Variants in ZNF678 observed in about 807,000 individuals in gnomAD.
The protein encoded by ZNF678 is hypothetical protein MGC42493.
ZNF678 carries 5 observed loss-of-function variants against 3.0 expected under a neutral mutation model. The ratio of observed to expected loss-of-function variants is 1.69; its 90% CI spans 0.88 to 3.56. The LOEUF (loss-of-function observed/expected upper bound fraction) is 3.56, where lower values mean the gene tolerates loss of function less well. Ranked by LOEUF, ZNF678 falls within the 30% of genes most tolerant of loss-of-function variation. The pLI is 0.00. For missense variants in ZNF678, 593 were observed against 605.0 expected (o/e 0.98, Z 0.21); for synonymous variants, 218 against 199.6 (o/e 1.09, Z -0.78).
rs1391791979 is a variant in ZNF678 at position 227,628,583 on chromosome 1, C to T, written c.-163-17961C>T. ...AAGCCAGTATAGGCTGGATACGTTC[C>T]TCACTGAGGGCCCTGGTGCCTTTGG... On this transcript the variant is annotated intron_variant, in intron 1 of 3. Transcript: ENST00000343776. Among the ~76,000 whole-genome samples, 3 of 152,358 alleles carry T rather than the reference C, an allele frequency of 2.0e-5. No homozygotes were observed. In the East Asian group the frequency reaches 5.8e-4, roughly 29 times the overall value.
intron 1 of ZNF678, among the ~76,000 whole-genome samples, chr1:227,606,886 G>C (rs941389162): frequency 2.6e-5 from 4 of 152,160 alleles, no homozygotes; most frequent in Non-Finnish European, 5.9e-5. Context: ...CTGTGAGCAC[G>C]GGGTTGGGGC....
intron 1 of ZNF678, among the ~76,000 whole-genome samples, chr1:227,570,608 A>G (rs984260283): frequency 6.6e-6 from 1 of 151,520 alleles, no homozygotes; most frequent in Non-Finnish European, 1.5e-5. Context: ...GGAGGGGATT[A>G]CTGTCATGAG....
intron 1 of ZNF678, among the ~76,000 whole-genome samples, chr1:227,631,111 G>A (rs1340427553): frequency 1.3e-5 from 2 of 152,084 alleles, no homozygotes; most frequent in African/African-American, 4.8e-5. Flanking sequence ...TACATCTTAG[G>A]GGCGTTTTTG....
intron 1 of ZNF678, among the ~76,000 whole-genome samples, chr1:227,643,201 GGTA>G (rs1325950995): frequency 7.9e-5 from 12 of 152,134 alleles, no homozygotes; most frequent in Admixed American, 2.6e-4. Context: ...TAGTAGTAGT[GGTA>G]GTAGTACAGC....
At chr1:227,619,455 T>G (rs1395926615) in intron 1 of ZNF678, among the ~76,000 whole-genome samples, 4 of 152,116 alleles carry the variant, frequency 2.6e-5, no homozygotes, top group Non-Finnish European at 1.5e-5. Flanking sequence ...CTCGAACTTA[T>G]GGAGTCTGTG....
intron 1 of ZNF678, among the ~76,000 whole-genome samples, chr1:227,615,532 C>T (rs1242225283): frequency 6.6e-6 from 1 of 152,164 alleles, no homozygotes; most frequent in East Asian, 1.9e-4. Context: ...GTCCTCCTGT[C>T]CCACTCCAGC....
intron 1 of ZNF678, among the ~76,000 whole-genome samples, chr1:227,579,767 AG>A (rs1657079439): frequency 6.6e-6 from 1 of 152,178 alleles, no homozygotes. Context: ...CAGCAGACCA[AG>A]GGATGCTCAG....
chr1:227,654,843 G>C lies in ZNF678; in HGVS notation c.593G>C (p.Ser198Thr). 2 of 1,609,268 alleles carry C rather than the reference G, an allele frequency of 1.2e-6. No individual in the cohort carries two copies. The highest frequency in any genetic ancestry group is 1.7e-6 in the Non-Finnish European group (2 of 1,178,912). ...KVFNWWSQLT[S>T]HKKIHSGEKP... is the part of the protein sequence containing the mutation. ...TTTAATTGGTGGTCACAACTAACTA[G>C]CCATAAGAAAATTCATAGTGGAGAG... is the stretch of plus-strand genomic sequence containing the variant. The change falls in exon 4 of 4, where the codon AGC becomes ACC. Residue 198 changes from serine to threonine, a missense_variant. Ser to Thr is a moderately conservative substitution (Grantham distance 58). Transcript: ENST00000343776.
In ZNF678 at chr1:227,657,463, A is replaced by G. The variant is rs1659279937; in HGVS notation, c.*1635A>G. On this transcript the variant is annotated 3_prime_UTR_variant, in exon 4 of 4. Transcript: ENST00000343776. ...ATTTTTATTTTTTTCTTTTGTAAATACTGGACAATGATACTCTTATATAAT... is the reference window on the plus strand; with the variant it reads ...ATTTTTATTTTTTTCTTTTGTAAATGCTGGACAATGATACTCTTATATAAT... 6.6e-6 allele frequency: 1 copy of G among 151,954 alleles called. No individual in the cohort carries two copies. The highest frequency in any genetic ancestry group is 2.1e-4 in the South Asian group (1 of 4,828). The allele number at this position is 151,954 out of a possible 1,614,324, so 9.4% of individuals were successfully genotyped here.
chr1:227,637,084 A>G (rs905405841), intron 1 of ZNF678, among the ~76,000 whole-genome samples: 8 of 152,276 alleles, frequency 5.3e-5, no homozygotes, highest in East Asian at 3.9e-4. Context: ...GCATTCCAGT[A>G]TCCTTGATGT....
intron 1 of ZNF678, among the ~76,000 whole-genome samples, chr1:227,643,578 G>A (rs566329769): frequency 1.7e-4 from 26 of 152,124 alleles, no homozygotes; most frequent in African/African-American, 6.0e-4. Flanking sequence ...CCCCAAAGCT[G>A]GTACCCACAA....
intron 1 of ZNF678, among the ~76,000 whole-genome samples, chr1:227,605,450 CA>C (rs1446401670): frequency 6.6e-6 from 1 of 152,108 alleles, no homozygotes; most frequent in East Asian, 1.9e-4. Context: ...ACTTTTAAAG[CA>C]AAATTTTCCA....
At chr1:227,642,481 G>A (rs1490768446) in intron 1 of ZNF678, among the ~76,000 whole-genome samples, 1 of 152,148 alleles carries the variant, frequency 6.6e-6, no homozygotes, top group Non-Finnish European at 1.5e-5. Context: ...CCTCACATGT[G>A]AACTCTTACT....
intron 1 of ZNF678, among the ~76,000 whole-genome samples, chr1:227,619,319 ATTATT>A (rs1571891044): frequency 6.6e-6 from 1 of 152,180 alleles, no homozygotes; most frequent in East Asian, 1.9e-4. Context: ...AGTTGTATCA[ATTATT>A]TTAAGCTTGT....
At chr1:227,665,107 C>G (rs1659480208), downstream of ZNF678, among the ~76,000 whole-genome samples, 1 of 152,166 alleles carries the variant, frequency 6.6e-6, no homozygotes. Flanking sequence ...TGAGACAAAA[C>G]TCATGGCATA....
At chr1:227,636,522 A>G (rs1031161278) in intron 1 of ZNF678, among the ~76,000 whole-genome samples, 6 of 152,194 alleles carry the variant, frequency 3.9e-5, no homozygotes, top group African/African-American at 1.4e-4. Flanking sequence ...TAGCATATAT[A>G]TAGAAGTGCA....
chr1:227,604,617 G>A (rs1032942889), intron 1 of ZNF678, among the ~76,000 whole-genome samples: 2 of 151,948 alleles, frequency 1.3e-5, no homozygotes, highest in Non-Finnish European at 2.9e-5. Context: ...TCAAACTCCC[G>A]GGCTCAAGTG....
In ZNF678 at chr1:227,591,080, C is replaced by T. The variant is rs867920041; in HGVS notation, c.-164+27356C>T. On this transcript the variant is annotated intron_variant, in intron 1 of 3. Coordinates refer to ENST00000343776, the MANE Select transcript of ZNF678 (RefSeq NM_001367909.1). The stretch of plus-strand genomic sequence containing the variant: ...ACATTGAGAGACTGCGCTACATGCT[C>T]GGCTAATTGCAAAAACAAATTTCTT... Among the ~76,000 whole-genome samples the T allele has an allele frequency of 2.6e-5, 4 of 151,704 alleles. No individual in the cohort carries two copies. The South Asian group carries it at 6.2e-4, about 24-fold the overall frequency.
At chr1:227,598,963 T>C (rs2102747403) in intron 1 of ZNF678, 2 of 964,356 alleles carry the variant, frequency 2.1e-6, no homozygotes, top group South Asian at 2.6e-5. Context: ...CATTCATTTT[T>C]TTCTTCAAAT....
Sources: gnomAD v4.1 joint callset for allele counts (sites outside exome capture counted in the v4.1 genomes callset) on GRCh38, gnomAD v4.1.1 for gene constraint, MANE v1.5 for transcripts, NCBI Gene and HGNC (gene_info 2026-07-23, HGNC 2026-07-21) for gene names.